The following SLIT2 variants were observed in gnomAD, a reference collection of about 807,000 sequenced individuals.
SLIT2 encodes the protein slit guidance ligand 2, also known as slit homolog 2 protein.
Under a neutral mutation model 185.7 loss-of-function variants are expected in SLIT2, and 41 were observed. The ratio of observed to expected loss-of-function variants is 0.22; its 90% confidence interval spans 0.17 to 0.29. The LOEUF (loss-of-function observed/expected upper bound fraction) is 0.29. SLIT2 is among the 10% of genes least tolerant of loss of function. The probability of loss-of-function intolerance (pLI) is 1.00; values close to 1 mark genes in which losing one functional copy is unlikely to be tolerated. For synonymous variants in SLIT2, 693 were observed against 680.2 expected, an observed-to-expected ratio of 1.02 and a Z score of -0.29; for missense variants, 1,571 against 1,909.0, an observed-to-expected ratio of 0.82 and a Z score of 3.30.
rs1391155456 is a variant in SLIT2 at position 20,432,438 on chromosome 4, T to G, written c.396-35314T>G. Among the ~76,000 whole-genome samples, 34 of 151,074 alleles carry G rather than the reference T, an allele frequency of 2.3e-4. 1 individual carries two copies. Among genetic ancestry groups the G allele is most frequent in the Admixed American group, 2.2e-3 (34 of 15,180 alleles). On this transcript the variant is annotated intron_variant, in intron 4 of 36. Transcript: ENST00000504154. ...GTCAGAAAATGTGTGGGAAATGAGG[T>G]AAGACCTCTCAACAAGGACCACGAT...
chr4:20,596,461 A>G lies in SLIT2; in HGVS notation c.3367A>G (p.Ser1123Gly). Residue 1123 changes from serine (S) to glycine (G), a missense_variant, in exon 32 of 37, where the codon AGC (serine) becomes GGC (glycine). This residue lies in a region of SLIT2 where 1,202 missense variants were observed against 1,416.4 expected (regional missense o/e 0.85). Coordinates refer to ENST00000504154, the MANE Select transcript of SLIT2 (RefSeq NM_004787.4). ...TCCACCCATGGTCCTCCCTCGTACC[A>G]GCCCCTGTGATAATTTTGATTGTCA... ...FSPPMVLPRTSPCDNFDCQNG... is the reference protein window; with the variant it reads ...FSPPMVLPRTGPCDNFDCQNG... 3 of 1,614,022 alleles carry G rather than the reference A, an allele frequency of 1.9e-6. No homozygotes were observed. The highest frequency in any genetic ancestry group is 2.5e-6 in the Non-Finnish European group (3 of 1,179,956).
chr4:20,464,066 A>G (rs954928430), intron 4 of SLIT2, among the ~76,000 whole-genome samples: 2 of 151,974 alleles, frequency 1.3e-5, no homozygotes, highest in East Asian at 1.9e-4. Flanking sequence ...CATCCCTAAT[A>G]TCACTGTTAG....
chr4:20,472,386 G>GAGATATCTATATCTATATATCTATATA (rs1560453735), intron 5 of SLIT2, among the ~76,000 whole-genome samples: 1 of 38,394 alleles, frequency 2.6e-5, no homozygotes, highest in Non-Finnish European at 3.9e-5. Context: ...CTATATATAT[G>GAGATATCTATATCTATATATCTATATA]TAGATATATA....
rs1553898364 is a variant in SLIT2, at chr4:20,417,436, G to GTGTATATATATA, written c.396-50315_396-50314insGTATATATATAT. On this transcript the variant is annotated intron_variant, in intron 4 of 36. Coordinates refer to ENST00000504154, the MANE Select transcript of SLIT2 (RefSeq NM_004787.4). ...CGCAATCATATATATATGTGTGTGT[G>GTGTATATATATA]TATATATATATATATATATATACGT... Among the ~76,000 whole-genome samples, 575 of 123,664 alleles carry GTGTATATATATA rather than the reference G, an allele frequency of 4.6e-3. 19 individuals are homozygous for GTGTATATATATA. The highest frequency in any genetic ancestry group is 0.015 in the African/African-American group (524 of 34,624). The allele number at this position is 123,664 out of a possible 152,430, so 81.1% of individuals were successfully genotyped here.
At chr4:20,550,370 G>A (rs664462) in intron 24 of SLIT2, among the ~76,000 whole-genome samples, 8 of 82,650 alleles carry the variant, frequency 9.7e-5, no homozygotes, top group Admixed American at 6.1e-4. Context: ...ATGCTTGCAG[G>A]GGTTTTTTTT....
At chr4:20,341,740 G>A (rs1720980334) in intron 4 of SLIT2, among the ~76,000 whole-genome samples, 1 of 152,124 alleles carries the variant, frequency 6.6e-6, no homozygotes, top group Non-Finnish European at 1.5e-5. Context: ...AAGTTTTAGA[G>A]AATTAATCAC....
At chr4:20,547,073 A>G (rs749135774) in intron 22 of SLIT2, among the ~76,000 whole-genome samples, 1 of 152,158 alleles carries the variant, frequency 6.6e-6, no homozygotes, top group African/African-American at 2.4e-5. Flanking sequence ...CATTGAAGCT[A>G]GTTAAAATTG....
At chr4:20,346,294 C>G (rs1721406824) in intron 4 of SLIT2, among the ~76,000 whole-genome samples, 1 of 152,164 alleles carries the variant, frequency 6.6e-6, no homozygotes, top group South Asian at 2.1e-4. Context: ...TCACTCCGGG[C>G]CACTCTTGAT....
chr4:20,361,538 A>G (rs1722745744), intron 4 of SLIT2, among the ~76,000 whole-genome samples: 1 of 152,150 alleles, frequency 6.6e-6, no homozygotes, highest in Non-Finnish European at 1.5e-5. Flanking sequence ...CAGTGCATTA[A>G]ATATAGGCAG....
intron 4 of SLIT2, among the ~76,000 whole-genome samples, chr4:20,272,286 T>A (rs80346503): frequency 2.4e-4 from 32 of 131,998 alleles, no homozygotes; most frequent in South Asian, 1.0e-3. Flanking sequence ...AAAAAAAAAA[T>A]AAGCCAGCAT....
chr4:20,293,850 G>A (rs985761257), intron 4 of SLIT2, among the ~76,000 whole-genome samples: 2 of 152,086 alleles, frequency 1.3e-5, no homozygotes, highest in African/African-American at 4.8e-5. Context: ...CAGGGATGTG[G>A]GCTTCCTGTG....
intron 9 of SLIT2, among the ~76,000 whole-genome samples, chr4:20,510,214 GTAT>G (rs1719579612): frequency 6.6e-6 from 1 of 151,890 alleles, no homozygotes; most frequent in Non-Finnish European, 1.5e-5. Context: ...TTTCTTAAAG[GTAT>G]TATTTCTTTT....
At chr4:20,289,902 T>G (rs74691709) in intron 4 of SLIT2, among the ~76,000 whole-genome samples, 4,406 of 152,276 alleles carry the variant, frequency 0.029, 180 homozygotes, top group East Asian at 0.13. Flanking sequence ...CTGTATACCC[T>G]GCCTCTCTAC....
chr4:20,317,040 T>TA (rs35721562), intron 4 of SLIT2, among the ~76,000 whole-genome samples: 35,272 of 146,020 alleles, frequency 0.24, 4,902 homozygotes, highest in East Asian at 0.6. Flanking sequence ...TTTGAAAGAT[T>TA]AAAAAAAAAA....
intron 29 of SLIT2, among the ~76,000 whole-genome samples, chr4:20,569,471 A>G (rs577349047): frequency 6.6e-6 from 1 of 152,132 alleles, no homozygotes; most frequent in African/African-American, 2.4e-5. Flanking sequence ...AGTCAGGAAG[A>G]TATTGAGCAC....
At chr4:20,265,582 T>G (rs994583764) in intron 3 of SLIT2, among the ~76,000 whole-genome samples, 3 of 151,896 alleles carry the variant, frequency 2.0e-5, no homozygotes, top group African/African-American at 7.2e-5. Context: ...CATATAAAGA[T>G]CACTCATAAT....
intron 29 of SLIT2, among the ~76,000 whole-genome samples, chr4:20,585,647 A>G (rs1467116468): frequency 6.6e-6 from 1 of 152,182 alleles, no homozygotes; most frequent in African/African-American, 2.4e-5. Context: ...TAAACGTATT[A>G]AGACCTGCTT....
Position 20,619,045 on chromosome 4 carries a change from G to A in SLIT2, c.*36G>A. 1 of 1,595,356 alleles carries A rather than the reference G, an allele frequency of 6.3e-7. No homozygotes were observed. Among genetic ancestry groups the A allele is most frequent in the Non-Finnish European group, 8.6e-7 (1 of 1,165,336 alleles). On this transcript the variant is annotated 3_prime_UTR_variant, in exon 37 of 37. Transcript: ENST00000504154. ...GGCAGCTCTGTCTTTGGAAAAGGTTGTATACTTCTTGACCGTGTGGGACTA... is the reference window on the plus strand; with the variant it reads ...GGCAGCTCTGTCTTTGGAAAAGGTTATATACTTCTTGACCGTGTGGGACTA...
At chr4:20,409,495 A>G (rs1413746976) in intron 4 of SLIT2, among the ~76,000 whole-genome samples, 1 of 152,046 alleles carries the variant, frequency 6.6e-6, no homozygotes, top group Non-Finnish European at 1.5e-5. Flanking sequence ...GGTCGATTCC[A>G]TGTCTTTGTT....
Sources: gnomAD v4.1 joint callset for allele counts (sites outside exome capture counted in the v4.1 genomes callset) on GRCh38, gnomAD v4.1.1 for gene constraint, gnomAD v4.1.1 regional missense constraint, MANE v1.5 for transcripts, NCBI Gene and HGNC (gene_info 2026-07-23, HGNC 2026-07-21) for gene names.